GALNTL6: variants seen among roughly 807,000 people sequenced by gnomAD.
GALNTL6 encodes the protein polypeptide N-acetylgalactosaminyltransferase like 6.
Under a neutral mutation model 73.7 loss-of-function variants are expected in GALNTL6, and 46 were observed. That is an observed-to-expected ratio of 0.62 (90% CI 0.49 to 0.80). GALNTL6 has a LOEUF of 0.80. GALNTL6 is among the 30% of genes least tolerant of loss of function. The pLI is 0.00. For missense variants in GALNTL6, 604 were observed against 755.0 expected, an observed-to-expected ratio of 0.80 and a Z score of 2.34; for synonymous variants, 259 against 263.7, an observed-to-expected ratio of 0.98 and a Z score of 0.17.
intron 5 of GALNTL6, among the ~76,000 whole-genome samples, chr4:172,652,793 A>G (rs1349228132): frequency 6.6e-6 from 1 of 152,200 alleles, no homozygotes; most frequent in Non-Finnish European, 1.5e-5. Context: ...CAATTAGCCA[A>G]TACTTCTCAA....
At chr4:171,860,379 T>C (rs962068640) in intron 2 of GALNTL6, among the ~76,000 whole-genome samples, 4 of 152,164 alleles carry the variant, frequency 2.6e-5, no homozygotes, top group African/African-American at 9.7e-5. Context: ...TCATAGTCTA[T>C]AGGAGAAATA....
chr4:171,977,615 A>G (rs1216542891), intron 2 of GALNTL6, among the ~76,000 whole-genome samples: 2 of 152,146 alleles, frequency 1.3e-5, no homozygotes, highest in Non-Finnish European at 1.5e-5. Flanking sequence ...TAAAGAGCCT[A>G]TCTGTAATTA....
intron 2 of GALNTL6, among the ~76,000 whole-genome samples, chr4:171,873,715 T>G (rs973789135): frequency 5.3e-5 from 8 of 152,198 alleles, no homozygotes; most frequent in African/African-American, 1.7e-4. Context: ...ATATATGGGT[T>G]CTACTCATAT....
At chr4:172,462,318 T>G (rs891149803) in intron 5 of GALNTL6, among the ~76,000 whole-genome samples, 1 of 152,226 alleles carries the variant, frequency 6.6e-6, no homozygotes, top group Non-Finnish European at 1.5e-5. Flanking sequence ...TAGGTAATCC[T>G]GACTAATAGA....
At chr4:172,735,074 T>C (rs1379435693) in intron 5 of GALNTL6, among the ~76,000 whole-genome samples, 1 of 152,164 alleles carries the variant, frequency 6.6e-6, no homozygotes, top group Non-Finnish European at 1.5e-5. Flanking sequence ...GAGTCCCCAC[T>C]GTGGCACTGC....
intron 5 of GALNTL6, among the ~76,000 whole-genome samples, chr4:172,498,201 G>A (rs1287976824): frequency 1.3e-5 from 2 of 151,888 alleles, no homozygotes; most frequent in Non-Finnish European, 2.9e-5. Context: ...TTGTTGCCAG[G>A]ATGGTCTCTA....
intron 10 of GALNTL6, among the ~76,000 whole-genome samples, chr4:173,005,072 C>A (rs997237760): frequency 6.8e-6 from 1 of 148,138 alleles, no homozygotes; most frequent in Non-Finnish European, 1.5e-5. Context: ...TTGTACCTCT[C>A]TGATAAAAAC....
At chr4:171,977,795 G>C (rs1739766098) in intron 2 of GALNTL6, among the ~76,000 whole-genome samples, 1 of 152,036 alleles carries the variant, frequency 6.6e-6, no homozygotes, top group Non-Finnish European at 1.5e-5. Flanking sequence ...TGATTTTCTG[G>C]AATTAATCCA....
chr4:171,985,755 T>C (rs868616094), intron 2 of GALNTL6, among the ~76,000 whole-genome samples: 9 of 151,450 alleles, frequency 5.9e-5, no homozygotes, highest in Middle Eastern at 6.8e-3. Flanking sequence ...TATATATATA[T>C]ATGCTTTTTC....
intron 3 of GALNTL6, among the ~76,000 whole-genome samples, chr4:172,239,525 T>C (rs1737348972): frequency 6.6e-6 from 1 of 152,146 alleles, no homozygotes; most frequent in Non-Finnish European, 1.5e-5. Flanking sequence ...ATTTATTCTT[T>C]CAAATAACCA....
intron 2 of GALNTL6, among the ~76,000 whole-genome samples, chr4:172,047,206 C>T (rs1387531763): frequency 1.3e-5 from 2 of 152,084 alleles, no homozygotes; most frequent in Non-Finnish European, 2.9e-5. Flanking sequence ...GTATTGATTC[C>T]CTGGGAAGGT....
At position 172,825,090 on chromosome 4, in the gene GALNTL6, CTTT is replaced by C. The variant is rs1560977473; in HGVS notation, c.923+11368_923+11370del. ...TTTTTTGGTTATCTTTTCTTTCTTT[CTTT>C]CTTTCTTTCTTTCTTTCTTTCTTTC... On this transcript the variant is annotated intron_variant, in intron 7 of 12. Coordinates refer to ENST00000506823, the MANE Select transcript of GALNTL6 (RefSeq NM_001034845.3). Among the ~76,000 whole-genome samples, 4 of 65,524 alleles carry C rather than the reference CTTT, an allele frequency of 6.1e-5. 1 individual carries two copies. The highest frequency in any genetic ancestry group is 2.1e-4 in the African/African-American group (4 of 18,848). The allele number at this position is 65,524 out of a possible 152,430, so 43.0% of individuals were successfully genotyped here.
At chr4:172,190,216 A>G (rs1735533644) in intron 2 of GALNTL6, among the ~76,000 whole-genome samples, 1 of 152,218 alleles carries the variant, frequency 6.6e-6, no homozygotes, top group South Asian at 2.1e-4. Context: ...AAAACAGATT[A>G]AAAAGGAATA....
At chr4:173,025,494 T>TG (rs1019722494) in intron 12 of GALNTL6, among the ~76,000 whole-genome samples, 5 of 152,182 alleles carry the variant, frequency 3.3e-5, no homozygotes, top group African/African-American at 1.2e-4. Flanking sequence ...AGCCAGCCCC[T>TG]GCCTGGTTCA....
At chr4:171,936,509 A>G (rs931025095) in intron 2 of GALNTL6, among the ~76,000 whole-genome samples, 3 of 152,164 alleles carry the variant, frequency 2.0e-5, no homozygotes, top group Non-Finnish European at 4.4e-5. Flanking sequence ...AGGAAATTCT[A>G]TAGTGTTTCT....
Position 172,207,086 on chromosome 4 carries a change from G to C in GALNTL6, c.139-22570G>C, listed in dbSNP as rs550491131. 7.9e-5 allele frequency among the ~76,000 whole-genome samples: 12 copies of C among 151,906 alleles called. No homozygotes were observed. The South Asian group carries it at 2.5e-3, about 32-fold the overall frequency. ...CCCCCCTTGGCCTCCCAAAGTGCTG[G>C]GATTACAGGCCGCCGTGCCTGGCCG... On this transcript the variant is annotated intron_variant, in intron 2 of 12. Transcript: ENST00000506823.
intron 3 of GALNTL6, among the ~76,000 whole-genome samples, chr4:172,308,933 C>G (rs1236279238): frequency 6.6e-6 from 1 of 152,072 alleles, no homozygotes; most frequent in African/African-American, 2.4e-5. Flanking sequence ...TAATTTAACA[C>G]AATACTTTGT....
At chr4:172,849,904 T>C (rs977143406) in intron 7 of GALNTL6, among the ~76,000 whole-genome samples, 5 of 152,184 alleles carry the variant, frequency 3.3e-5, no homozygotes, top group African/African-American at 1.2e-4. Context: ...ATATGCTCAC[T>C]CAGGTTGTCG....
intron 2 of GALNTL6, among the ~76,000 whole-genome samples, chr4:172,199,229 T>A (rs533014746): frequency 6.6e-6 from 1 of 152,344 alleles, no homozygotes; most frequent in East Asian, 1.9e-4. Context: ...TTCTTCATTA[T>A]TAAATGGGTA....
Sources: gnomAD v4.1 joint callset for allele counts (sites outside exome capture counted in the v4.1 genomes callset) on GRCh38, gnomAD v4.1.1 for gene constraint, MANE v1.5 for transcripts, NCBI Gene and HGNC (gene_info 2026-07-23, HGNC 2026-07-21) for gene names.